The following PTPDC1 variants were observed in gnomAD, a reference collection of about 807,000 sequenced individuals.
PTPDC1 encodes protein tyrosine phosphatase domain containing 1.
PTPDC1 carries 53 observed loss-of-function variants against 75.3 expected under a neutral mutation model. The ratio of observed to expected loss-of-function variants is 0.70; its 90% CI spans 0.56 to 0.88. The LOEUF is 0.88. Among genes scored for constraint, PTPDC1 ranks in the 40% least tolerant of loss-of-function variants. PTPDC1 has a pLI of 0.00. For missense variants in PTPDC1, 925 were observed against 998.6 expected (o/e 0.93, Z 0.99); for synonymous variants, 349 against 366.2 (o/e 0.95, Z 0.54).
intron 4 of PTPDC1, among the ~76,000 whole-genome samples, chr9:94,094,028 A>T (rs1827432656): frequency 6.6e-6 from 1 of 152,090 alleles, no homozygotes; most frequent in Admixed American, 6.5e-5. Context: ...CTTTGGTTTG[A>T]ATGTCCTCCC....
At chr9:94,107,050 C>G (rs915393561) in intron 8 of PTPDC1, among the ~76,000 whole-genome samples, 2 of 152,162 alleles carry the variant, frequency 1.3e-5, no homozygotes, top group African/African-American at 4.8e-5. Flanking sequence ...GCCTCCTGGG[C>G]TCCGGCAATC....
chr9:94,083,456 T>TA (rs113051868), upstream of PTPDC1, among the ~76,000 whole-genome samples: 232 of 144,884 alleles, frequency 1.6e-3, no homozygotes, highest in Middle Eastern at 3.6e-3. Context: ...TAGTAATCGT[T>TA]AAAAAAAAAA....
At chr9:94,065,728 G>A (rs1826281401) in intron 2 of PTPDC1, among the ~76,000 whole-genome samples, 1 of 152,164 alleles carries the variant, frequency 6.6e-6, no homozygotes, top group African/African-American at 2.4e-5. Flanking sequence ...TCTTTGCTGT[G>A]TTTGGCCCTA....
chr9:94,084,464 A>T lies in PTPDC1; in HGVS notation c.-67A>T. 6.3e-7 allele frequency: 1 copy of T among 1,587,998 alleles called. No homozygotes were observed. The highest frequency in any genetic ancestry group is 1.7e-5 in the Admixed American group (1 of 58,430). On this transcript the variant is annotated 5_prime_UTR_variant, in exon 1 of 9. Coordinates refer to ENST00000620992, the MANE Select transcript of PTPDC1 (RefSeq NM_001253829.2). The stretch of plus-strand genomic sequence containing the variant: ...GAACGATGCAATGCTCCCTGCTCTC[A>T]GTGAAAGTTCCTCACTGAGTGAGTG...
intron 1 of PTPDC1, among the ~76,000 whole-genome samples, chr9:94,042,341 T>A (rs1187051225): frequency 6.6e-6 from 1 of 152,190 alleles, no homozygotes; most frequent in Non-Finnish European, 1.5e-5. Flanking sequence ...TTGTGTCATG[T>A]CATGCATTTA....
chr9:94,044,950 G>A (rs899101143), intron 1 of PTPDC1, among the ~76,000 whole-genome samples: 12 of 148,500 alleles, frequency 8.1e-5, no homozygotes, highest in African/African-American at 7.5e-5. Flanking sequence ...CCATTAACTC[G>A]TCATTTAGCA....
At chr9:94,068,307 A>C (rs1233466089) in intron 2 of PTPDC1, among the ~76,000 whole-genome samples, 1 of 152,142 alleles carries the variant, frequency 6.6e-6, no homozygotes, top group Non-Finnish European at 1.5e-5. Context: ...TAGGAAAATG[A>C]TTCTGGTAAT....
chr9:94,042,886 C>G (rs1255890512), intron 1 of PTPDC1, among the ~76,000 whole-genome samples: 1 of 152,234 alleles, frequency 6.6e-6, no homozygotes, highest in Admixed American at 6.5e-5. Context: ...TTCAGTTCAT[C>G]AGAGGGCAGC....
intron 1 of PTPDC1, among the ~76,000 whole-genome samples, chr9:94,048,272 C>T (rs1825679108): frequency 6.6e-6 from 1 of 152,068 alleles, no homozygotes; most frequent in Non-Finnish European, 1.5e-5. Context: ...GTTCTTGCTT[C>T]TCCAGTTCTT....
At chr9:94,094,393 G>A (rs1470593126) in intron 4 of PTPDC1, among the ~76,000 whole-genome samples, 1 of 152,000 alleles carries the variant, frequency 6.6e-6, no homozygotes, top group Non-Finnish European at 1.5e-5. Context: ...CTGTTCTGGG[G>A]TCAGGGGTCA....
intron 1 of PTPDC1, among the ~76,000 whole-genome samples, chr9:94,054,694 T>G (rs1233175803): frequency 7.1e-6 from 1 of 140,966 alleles, no homozygotes; most frequent in African/African-American, 2.6e-5. Context: ...TGGACCGAGT[T>G]TCTACACTAG....
At chr9:94,032,347 G>C (rs1373402880) in intron 1 of PTPDC1, among the ~76,000 whole-genome samples, 1 of 152,160 alleles carries the variant, frequency 6.6e-6, no homozygotes, top group Non-Finnish European at 1.5e-5. Context: ...TCCCATATTG[G>C]TGACCCAGGG....
intron 1 of PTPDC1, among the ~76,000 whole-genome samples, chr9:94,055,880 T>C (rs903011412): frequency 1.3e-5 from 2 of 152,168 alleles, no homozygotes; most frequent in African/African-American, 4.8e-5. Context: ...TTATACCTTT[T>C]CTAAACCCAC....
At chr9:94,106,909 G>A (rs937450222) in intron 8 of PTPDC1, among the ~76,000 whole-genome samples, 1 of 151,990 alleles carries the variant, frequency 6.6e-6, no homozygotes, top group East Asian at 1.9e-4. Flanking sequence ...CCATCAAGGG[G>A]AAAGGAAATT....
At chr9:94,090,429 A>G (rs1299983821) in intron 4 of PTPDC1, among the ~76,000 whole-genome samples, 1 of 150,646 alleles carries the variant, frequency 6.6e-6, no homozygotes, top group Non-Finnish European at 1.5e-5. Context: ...GGTCTGTTCC[A>G]TTGATCTATA....
At chr9:94,067,520 C>T (rs1472958911) in intron 2 of PTPDC1, among the ~76,000 whole-genome samples, 1 of 151,900 alleles carries the variant, frequency 6.6e-6, no homozygotes, top group East Asian at 1.9e-4. Context: ...TATAGATATA[C>T]CATAGATATA....
At chr9:94,093,763 C>A (rs1437296148) in intron 4 of PTPDC1, among the ~76,000 whole-genome samples, 1 of 144,762 alleles carries the variant, frequency 6.9e-6, no homozygotes, top group Admixed American at 7.0e-5. Flanking sequence ...TCCCATATTT[C>A]TTGGAGGCTT....
chr9:94,047,722 A>G (rs1825656541), intron 1 of PTPDC1, among the ~76,000 whole-genome samples: 1 of 152,234 alleles, frequency 6.6e-6, no homozygotes, highest in Non-Finnish European at 1.5e-5. Context: ...GCAATAAAAA[A>G]TGATAAAGGG....
intron 7 of PTPDC1, 31 bp from the exon 8 acceptor site, chr9:94,104,244 A>C: frequency 2.6e-6 from 4 of 1,551,000 alleles, no homozygotes; most frequent in Non-Finnish European, 3.5e-6. Context: ...TTTTTGAAAA[A>C]TTTTTTAAAT....
Sources: gnomAD v4.1 joint callset for allele counts (sites outside exome capture counted in the v4.1 genomes callset) on GRCh38, gnomAD v4.1.1 for gene constraint, MANE v1.5 for transcripts, NCBI Gene and HGNC (gene_info 2026-07-23, HGNC 2026-07-21) for gene names.